Variants in WDR72 observed in about 807,000 individuals in gnomAD.
WDR72 encodes the protein WD repeat-containing protein 72.
In WDR72, 120 loss-of-function variants were observed where a neutral mutation model predicts 124.2. That is an observed-to-expected ratio of 0.97 (90% CI 0.83 to 1.12). The LOEUF (loss-of-function observed/expected upper bound fraction) is 1.12. Ranked by LOEUF, WDR72 falls within the 50% of genes most tolerant of loss-of-function variation. The probability of loss-of-function intolerance (pLI) is 0.00; values close to 1 mark genes in which losing one functional copy is unlikely to be tolerated. For synonymous variants in WDR72, 452 were observed against 441.7 expected (o/e 1.02, Z -0.29); for missense variants, 1,387 against 1,278.8 (o/e 1.08, Z -1.29).
At chr15:53,715,472 T>G in intron 4 of WDR72, 105 bp from the exon 5 acceptor site, 2 of 1,371,934 alleles carry the variant, frequency 1.5e-6, no homozygotes, top group South Asian at 2.5e-5. Context: ...TATGATCAAT[T>G]AAGGTATTGA....
chr15:53,733,330 A>G (rs571976518), intron 1 of WDR72, 169 bp from the exon 2 acceptor site: 2 of 690,646 alleles, frequency 2.9e-6, no homozygotes, highest in Admixed American at 2.3e-5. Flanking sequence ...GTCATCAGAA[A>G]CTGAAATTAC....
At chr15:53,730,455 C>A (rs181390113) in intron 2 of WDR72, among the ~76,000 whole-genome samples, 3 of 152,104 alleles carry the variant, frequency 2.0e-5, no homozygotes, top group Non-Finnish European at 4.4e-5. Context: ...CTAATGAAAG[C>A]GTAAATAAGT....
chr15:53,588,025 C>T (rs1007616531), intron 18 of WDR72, among the ~76,000 whole-genome samples: 5 of 151,974 alleles, frequency 3.3e-5, no homozygotes, highest in Admixed American at 2.6e-4. Flanking sequence ...TGCTCTTGAA[C>T]AAAGTAGATA....
intron 1 of WDR72, among the ~76,000 whole-genome samples, chr15:53,753,042 G>A (rs1485653910): frequency 1.3e-5 from 2 of 152,098 alleles, no homozygotes; most frequent in Non-Finnish European, 2.9e-5. Context: ...AAGCATTTCC[G>A]AGGCACAACA....
chr15:53,689,287 A>G (rs2016754679), intron 13 of WDR72, among the ~76,000 whole-genome samples: 2 of 150,248 alleles, frequency 1.3e-5, no homozygotes, highest in East Asian at 3.9e-4. Context: ...CAACCTACAA[A>G]ATGGGAGAAA....
chr15:53,748,399 A>G (rs1475768615), intron 1 of WDR72, among the ~76,000 whole-genome samples: 3 of 152,196 alleles, frequency 2.0e-5, no homozygotes, highest in Admixed American at 1.3e-4. Flanking sequence ...TTGTTTTGGA[A>G]TCACCTTAAT....
At chr15:53,564,477 C>T (rs1270651328) in intron 18 of WDR72, among the ~76,000 whole-genome samples, 2 of 151,698 alleles carry the variant, frequency 1.3e-5, no homozygotes, top group African/African-American at 2.4e-5. Flanking sequence ...TTTTTATTTC[C>T]TTTCCTAAGA....
intron 14 of WDR72, among the ~76,000 whole-genome samples, chr15:53,638,580 C>CTT (rs3081298): frequency 7.8e-4 from 98 of 125,846 alleles, no homozygotes; most frequent in African/African-American, 2.7e-3. Flanking sequence ...TAATCACATT[C>CTT]TTTTTTTTTT....
chr15:53,686,757 C>T (rs2016644657), intron 13 of WDR72, among the ~76,000 whole-genome samples: 1 of 149,938 alleles, frequency 6.7e-6, no homozygotes, highest in Non-Finnish European at 1.5e-5. Flanking sequence ...ACAGAATATA[C>T]ATTTTTTTCA....
intron 17 of WDR72, among the ~76,000 whole-genome samples, chr15:53,598,689 C>T (rs774738776): frequency 7.9e-5 from 12 of 152,096 alleles, no homozygotes; most frequent in Non-Finnish European, 1.6e-4. Flanking sequence ...CCAGCCCACA[C>T]TCAAATGTTT....
intron 13 of WDR72, among the ~76,000 whole-genome samples, chr15:53,681,878 T>C (rs1449597012): frequency 6.6e-6 from 1 of 151,508 alleles, no homozygotes; most frequent in Non-Finnish European, 1.5e-5. Context: ...TGTGTGTCAC[T>C]TGAAAAAAAA....
At chr15:53,663,156 T>G (rs763588223) in intron 14 of WDR72, among the ~76,000 whole-genome samples, 1 of 151,674 alleles carries the variant, frequency 6.6e-6, no homozygotes, top group African/African-American at 2.4e-5. Context: ...GATGAAATGC[T>G]AAGAGAAAAA....
At chr15:53,698,500 T>C (rs2017072914) in intron 13 of WDR72, among the ~76,000 whole-genome samples, 1 of 152,190 alleles carries the variant, frequency 6.6e-6, no homozygotes, top group African/African-American at 2.4e-5. Context: ...TTGTAGGTAT[T>C]AGCTCATTTA....
intron 18 of WDR72, among the ~76,000 whole-genome samples, chr15:53,534,675 A>T (rs1892657333): frequency 6.6e-6 from 1 of 152,146 alleles, no homozygotes; most frequent in African/African-American, 2.4e-5. Context: ...AATGTATCTT[A>T]TATATAAAAT....
At position 53,581,653 on chromosome 15, in the gene WDR72, T is replaced by C. The variant is rs569179049; in HGVS notation, c.3148+15426A>G. On this transcript the variant is annotated intron_variant, in intron 18 of 19. Coordinates refer to ENST00000360509, the MANE Select transcript of WDR72 (RefSeq NM_182758.4). The stretch of plus-strand genomic sequence containing the variant: ...AATTATTGCTGTGTAGAAGATCCCA[T>C]ATGAAGATGAAAAAATCCTAACTCA... Among the ~76,000 whole-genome samples the C allele has an allele frequency of 3.9e-4, 59 of 152,162 alleles. 1 individual carries two copies. In the South Asian group the frequency reaches 0.011, roughly 29 times the overall value.
intron 14 of WDR72, among the ~76,000 whole-genome samples, chr15:53,623,536 A>G (rs2014088382): frequency 6.6e-6 from 1 of 151,800 alleles, no homozygotes; most frequent in Admixed American, 6.6e-5. Context: ...TATATATCAC[A>G]CTTTCTCTAT....
At chr15:53,566,690 G>C (rs1290548120) in intron 18 of WDR72, among the ~76,000 whole-genome samples, 3 of 152,020 alleles carry the variant, frequency 2.0e-5, no homozygotes, top group South Asian at 4.1e-4. Context: ...AACAAACTAA[G>C]AGATAAGAAG....
chr15:53,655,574 C>G (rs946096740), intron 14 of WDR72, among the ~76,000 whole-genome samples: 5 of 151,854 alleles, frequency 3.3e-5, no homozygotes, highest in Non-Finnish European at 5.9e-5. Context: ...GCCTGAGAGA[C>G]AAGAAAAAGG....
At chr15:53,753,326 C>T (rs1354407216) in intron 1 of WDR72, among the ~76,000 whole-genome samples, 1 of 152,182 alleles carries the variant, frequency 6.6e-6, no homozygotes, top group Non-Finnish European at 1.5e-5. Context: ...GAGAAGCCTC[C>T]CTAATGCCCA....
Sources: allele counts gnomAD v4.1 joint callset (sites outside exome capture counted in the v4.1 genomes callset), GRCh38; gene constraint gnomAD v4.1.1; transcripts MANE v1.5; gene names NCBI Gene and HGNC (gene_info 2026-07-23, HGNC 2026-07-21).